ABI3BP: variants seen among roughly 807,000 people sequenced by gnomAD.
The protein encoded by ABI3BP is target of Nesh-SH3.
A neutral mutation model predicts 268.6 loss-of-function variants in ABI3BP; 216 were observed. The observed-to-expected ratio is 0.80, with a 90% CI of 0.72 to 0.90. The LOEUF (loss-of-function observed/expected upper bound fraction) is 0.90. Among genes scored for constraint, ABI3BP ranks in the 40% least tolerant of loss-of-function variants. The probability of loss-of-function intolerance (pLI) is 0.00; values close to 1 mark genes in which losing one functional copy is unlikely to be tolerated. For synonymous variants in ABI3BP, 730 were observed against 730.0 expected (o/e 1.00, Z 0.00); for missense variants, 2,090 against 2,182.4 (o/e 0.96, Z 0.84).
intron 51 of ABI3BP, among the ~76,000 whole-genome samples, chr3:100,803,269 C>T (rs1483080749): frequency 6.9e-6 from 1 of 144,238 alleles, no homozygotes; most frequent in African/African-American, 2.5e-5. Context: ...GGATCAAGAT[C>T]ACGGGTTAGA....
At chr3:100,910,659 G>A (rs1406981069) in intron 2 of ABI3BP, among the ~76,000 whole-genome samples, 2 of 151,968 alleles carry the variant, frequency 1.3e-5, no homozygotes, top group Admixed American at 1.3e-4. Context: ...ACAGGTGTGA[G>A]CCACTGTGCC....
intron 3 of ABI3BP, among the ~76,000 whole-genome samples, chr3:100,902,005 C>T (rs1026158009): frequency 4.6e-5 from 7 of 152,284 alleles, no homozygotes; most frequent in Non-Finnish European, 1.0e-4. Flanking sequence ...TGTTGCAAGT[C>T]TTCCTAGACC....
intron 4 of ABI3BP, among the ~76,000 whole-genome samples, chr3:100,887,403 T>G (rs1379486989): frequency 2.0e-5 from 3 of 152,080 alleles, no homozygotes; most frequent in Non-Finnish European, 4.4e-5. Context: ...TTACCAAATA[T>G]TATTCCTGGC....
chr3:100,919,168 TC>T (rs528089820), intron 2 of ABI3BP, among the ~76,000 whole-genome samples: 50 of 152,328 alleles, frequency 3.3e-4, no homozygotes, highest in African/African-American at 1.2e-3. Context: ...TTTCTTTTTT[TC>T]ATAAGTTATT....
chr3:100,816,606 G>C, intron 43 of ABI3BP, 82 bp downstream of exon 43: 6 of 1,084,512 alleles, frequency 5.5e-6, no homozygotes, highest in Non-Finnish European at 8.2e-6. Flanking sequence ...TCCCGTCATA[G>C]GCATTTCTTT....
At position 100,898,663 on chromosome 3, in the gene ABI3BP, G is replaced by A. The variant is rs927899670; in HGVS notation, c.461+99C>T. On this transcript the variant is annotated intron_variant, in intron 4 of 67. Transcript: ENST00000471714. ...GTTCCCCTCACACCTAGAACAGGCT[G>A]TACAGCTAAGAGGTGTTAAGTCAAT... The A allele has an allele frequency of 5.2e-6, 7 of 1,353,484 alleles. No individual in the cohort carries two copies. In the African/African-American group the frequency reaches 8.9e-5, roughly 17 times the overall value. 83.8% of individuals were successfully genotyped at this position (1,353,484 alleles called of 1,614,324 possible). A position where few individuals can be genotyped will look rare whatever the true frequency, so the allele number is the denominator to read the frequency against.
chr3:100,766,040 C>T, intron 62 of ABI3BP, 91 bp from the exon 63 acceptor site: 1 of 914,868 alleles, frequency 1.1e-6, no homozygotes. Flanking sequence ...AAGCCACTTA[C>T]ATAAAGTAAG....
chr3:100,890,311 C>A (rs1241159307), intron 4 of ABI3BP, among the ~76,000 whole-genome samples: 1 of 152,132 alleles, frequency 6.6e-6, no homozygotes, highest in Non-Finnish European at 1.5e-5. Context: ...TTGCTTCTTG[C>A]TTTACTGAGA....
chr3:100,913,630 T>A (rs1021563865), intron 2 of ABI3BP, among the ~76,000 whole-genome samples: 25 of 152,202 alleles, frequency 1.6e-4, no homozygotes, highest in African/African-American at 6.0e-4. Flanking sequence ...GTAGCATAAG[T>A]AGCATAAGTA....
In ABI3BP at chr3:100,754,670, G is replaced by T. The variant is rs780623049; in HGVS notation, c.4872C>A (p.Pro1624=). The T allele has an allele frequency of 6.3e-7, 1 of 1,588,718 alleles. No individual in the cohort carries two copies. The highest frequency in any genetic ancestry group is 1.2e-5 in the South Asian group (1 of 86,866). ...CCGGGCCTTCACCAAGCGGGTTTTT[G>T]GGTTTCACCTGGAATTCATAACTGT... ...PNTSYEFQVK[P]KNPLGEGPVS... is the part of the protein sequence containing the mutation. The change falls in exon 64 of 68, where the codon CCC becomes CCA. Residue 1624 remains proline (P), a synonymous_variant. Transcript: ENST00000471714.
In ABI3BP at chr3:100,857,954, A is replaced by G. The variant is rs541441300; in HGVS notation, c.1285+4357T>C. Among the ~76,000 whole-genome samples, 3 of 152,378 alleles carry G rather than the reference A, an allele frequency of 2.0e-5. No individual in the cohort carries two copies. In the East Asian group the frequency reaches 5.8e-4, roughly 29 times the overall value. On this transcript the variant is annotated intron_variant, in intron 14 of 67. Transcript: ENST00000471714. ...AGGTGCACATACGTGCACATGCACA[A>G]TTCATCTGAATGGAAGACACTGAGA...
intron 62 of ABI3BP, among the ~76,000 whole-genome samples, chr3:100,767,045 C>G (rs2096304325): frequency 6.6e-6 from 1 of 152,168 alleles, no homozygotes; most frequent in East Asian, 1.9e-4. Context: ...TCACTGCAAC[C>G]TCCGCCTCCC....
At chr3:100,773,602 T>C (rs1167516983) in intron 61 of ABI3BP, among the ~76,000 whole-genome samples, 1 of 152,116 alleles carries the variant, frequency 6.6e-6, no homozygotes, top group Non-Finnish European at 1.5e-5. Context: ...TAGGTATTTG[T>C]CCAAAGGAAT....
intron 2 of ABI3BP, among the ~76,000 whole-genome samples, chr3:100,908,470 A>G (rs554981164): frequency 8.5e-5 from 13 of 152,320 alleles, no homozygotes; most frequent in Non-Finnish European, 1.6e-4. Context: ...CCAACTTACA[A>G]GGGATGTGAA....
rs2095411133 is a variant in ABI3BP, at chr3:100,752,768, A to G, written c.5122+19T>C. 1 of 1,610,160 alleles carries G rather than the reference A, an allele frequency of 6.2e-7. No individual in the cohort carries two copies. Among genetic ancestry groups the G allele is most frequent in the African/African-American group, 1.3e-5 (1 of 74,814 alleles). On this transcript the variant is annotated intron_variant, in intron 66 of 67. Transcript: ENST00000471714. The stretch of plus-strand genomic sequence containing the variant: ...CCCATAAGTTAAGGGCTGAAAACAG[A>G]GCTGGTAGCTCTGCTTACCTGTGAG...
chr3:100,982,090 G>T (rs1241650926), intron 1 of ABI3BP, among the ~76,000 whole-genome samples: 1 of 152,210 alleles, frequency 6.6e-6, no homozygotes, highest in Non-Finnish European at 1.5e-5. Flanking sequence ...GCAGGCAAGA[G>T]AGAGAATGTG....
Position 100,789,521 on chromosome 3 carries a change from A to G in ABI3BP, c.4025-5T>C. 6.3e-7 allele frequency: 1 copy of G among 1,585,694 alleles called. No individual in the cohort carries two copies. The highest frequency in any genetic ancestry group is 8.6e-7 in the Non-Finnish European group (1 of 1,164,470). Reference sequence around the variant, plus strand: ...TAGTATAAAATCTGTGTGGCGCTGAAACAGAGGAACACTTTATATTTAATA... The same window carrying G: ...TAGTATAAAATCTGTGTGGCGCTGAGACAGAGGAACACTTTATATTTAATA... On this transcript the variant is annotated splice_region_variant and splice_polypyrimidine_tract_variant and intron_variant, in intron 55 of 67. Transcript: ENST00000471714.
At chr3:100,825,331 G>A (rs73135567) in intron 35 of ABI3BP, among the ~76,000 whole-genome samples, 20,856 of 151,694 alleles carry the variant, frequency 0.14, 1,855 homozygotes, top group South Asian at 0.26. Flanking sequence ...CTAGTAATAA[G>A]ACAACATTAC....
chr3:100,944,215 C>G (rs921030179), intron 1 of ABI3BP, among the ~76,000 whole-genome samples: 3 of 152,118 alleles, frequency 2.0e-5, no homozygotes, highest in Non-Finnish European at 4.4e-5. Context: ...ATAAGTTTAA[C>G]TGTTTTTAAT....
Sources: allele counts gnomAD v4.1 joint callset (sites outside exome capture counted in the v4.1 genomes callset), GRCh38; gene constraint gnomAD v4.1.1; transcripts MANE v1.5; gene names NCBI Gene and HGNC (gene_info 2026-07-23, HGNC 2026-07-21).